CD2AP: variants seen among roughly 807,000 people sequenced by gnomAD.
CD2AP encodes CD2 associated protein, also known as CD2-associated protein.
CD2AP carries 46 observed loss-of-function variants against 85.1 expected under a neutral mutation model. The ratio of observed to expected loss-of-function variants is 0.54; its 90% CI spans 0.43 to 0.69. The LOEUF (loss-of-function observed/expected upper bound fraction) is 0.69. Among genes scored for constraint, CD2AP ranks in the 30% least tolerant of loss-of-function variants. The pLI, the probability that CD2AP is intolerant of heterozygous loss-of-function variation, is 0.00. For missense variants in CD2AP, 769 were observed against 729.5 expected (o/e 1.05, Z -0.62); for synonymous variants, 255 against 252.9 (o/e 1.01, Z -0.08).
chr6:47,609,080 A>G, intron 15 of CD2AP, 43 bp from the exon 16 acceptor site: 1 of 1,404,290 alleles, frequency 7.1e-7, no homozygotes. Context: ...GAACGTAAAT[A>G]TAATATTAAA....
chr6:47,560,593 TAGATTC>T (rs751282341), intron 5 of CD2AP, among the ~76,000 whole-genome samples: 4 of 152,152 alleles, frequency 2.6e-5, no homozygotes, highest in Admixed American at 6.5e-5. Context: ...TCCTCATGAT[TAGATTC>T]AGATTATATT....
At position 47,589,379 on chromosome 6, in the gene CD2AP, T is replaced by TACACACACACACACACACACAC. The variant is rs1554182232; in HGVS notation, c.1109-6467_1109-6466insCACACACACACACACACACACA. 3.2e-3 allele frequency among the ~76,000 whole-genome samples: 441 copies of TACACACACACACACACACACAC among 139,434 alleles called. 3 individuals are homozygous for TACACACACACACACACACACAC. The highest frequency in any genetic ancestry group is 8.6e-3 in the African/African-American group (326 of 37,884). 91.5% of individuals were successfully genotyped at this position (139,434 alleles called of 152,430 possible). A position where few individuals can be genotyped will look rare whatever the true frequency, so the allele number is the denominator to read the frequency against. ...TTTGATGACCAGGAACTCTTGAATA[T>TACACACACACACACACACACAC]ACACACACACACACAAATGTATATA... On this transcript the variant is annotated intron_variant, in intron 11 of 17. Transcript: ENST00000359314.
At chr6:47,553,351 GTT>G (rs1164649256) in intron 4 of CD2AP, among the ~76,000 whole-genome samples, 3 of 140,572 alleles carry the variant, frequency 2.1e-5, no homozygotes. Flanking sequence ...TTTAAATTTT[GTT>G]TTTTTTTTTT....
intron 5 of CD2AP, among the ~76,000 whole-genome samples, chr6:47,556,243 G>A (rs2114065337): frequency 7.1e-6 from 1 of 141,442 alleles, no homozygotes; most frequent in South Asian, 2.4e-4. Context: ...ATAGGCCCCG[G>A]TGTGTGATGT....
intron 2 of CD2AP, among the ~76,000 whole-genome samples, chr6:47,507,205 C>G (rs1188698624): frequency 6.6e-6 from 1 of 152,192 alleles, no homozygotes; most frequent in African/African-American, 2.4e-5. Flanking sequence ...TGCTTCACTT[C>G]TAATTCTAGT....
chr6:47,584,760 C>T (rs1768576277), intron 11 of CD2AP, among the ~76,000 whole-genome samples: 1 of 151,936 alleles, frequency 6.6e-6, no homozygotes, highest in Non-Finnish European at 1.5e-5. Context: ...CAGATTAATT[C>T]TTTGTGAACT....
chr6:47,591,200 C>G (rs888947966), intron 11 of CD2AP, among the ~76,000 whole-genome samples: 1 of 152,052 alleles, frequency 6.6e-6, no homozygotes, highest in African/African-American at 2.4e-5. Flanking sequence ...TAAAAATATT[C>G]ATAAATAATC....
intron 3 of CD2AP, among the ~76,000 whole-genome samples, chr6:47,536,474 G>A (rs1355878959): frequency 6.6e-6 from 1 of 152,050 alleles, no homozygotes; most frequent in African/African-American, 2.4e-5. Context: ...GTTGAATTTT[G>A]TCTAAGCAAC....
intron 14 of CD2AP, among the ~76,000 whole-genome samples, chr6:47,607,360 T>C (rs1769304837): frequency 6.6e-6 from 1 of 152,100 alleles, no homozygotes; most frequent in Non-Finnish European, 1.5e-5. Context: ...CTATATTTAG[T>C]TTTTTGAGGA....
intron 3 of CD2AP, among the ~76,000 whole-genome samples, chr6:47,539,272 CAT>C (rs774442728): frequency 1.2e-4 from 19 of 152,242 alleles, no homozygotes; most frequent in East Asian, 3.9e-4. Context: ...GTATGAGAGA[CAT>C]ATGTGTAGTG....
chr6:47,551,019 TGGGGCCTCG>T (rs1472478299), intron 4 of CD2AP, among the ~76,000 whole-genome samples: 1 of 152,062 alleles, frequency 6.6e-6, no homozygotes, highest in East Asian at 1.9e-4. Flanking sequence ...CAATGGACTT[TGGGGCCTCG>T]GGGGAAGAGG....
intron 2 of CD2AP, among the ~76,000 whole-genome samples, chr6:47,522,798 T>C (rs1362190662): frequency 6.6e-6 from 1 of 151,866 alleles, no homozygotes; most frequent in African/African-American, 2.4e-5. Context: ...TTTCAGTTTA[T>C]TTGCAGATTT....
chr6:47,508,634 C>T (rs1280710092), intron 2 of CD2AP, among the ~76,000 whole-genome samples: 1 of 150,774 alleles, frequency 6.6e-6, no homozygotes, highest in East Asian at 2.0e-4. Flanking sequence ...CAACCTCTGC[C>T]TCCCAGGTTC....
At chr6:47,602,227 T>G (rs1030848368) in intron 13 of CD2AP, among the ~76,000 whole-genome samples, 1 of 151,974 alleles carries the variant, frequency 6.6e-6, no homozygotes, top group Non-Finnish European at 1.5e-5. Flanking sequence ...TCAGATTTTC[T>G]TTTTTTAATG....
intron 2 of CD2AP, among the ~76,000 whole-genome samples, chr6:47,525,029 T>C (rs1766686645): frequency 1.3e-5 from 2 of 152,076 alleles, no homozygotes; most frequent in Non-Finnish European, 2.9e-5. Flanking sequence ...TCAAATGACT[T>C]TAAGTAGTTT....
chr6:47,612,499 A>G lies in CD2AP; in HGVS notation c.1841A>G (p.Asp614Gly), dbSNP rs1769472206. Residue 614 changes from aspartate to glycine, a missense_variant, in exon 17 of 18, where the codon GAT becomes GGT. Transcript: ENST00000359314. ...AAAGAACTGGAAAAACTGCGAAAAG[A>G]TTTGGAAGAAGAGAAGACAATGAGA... ...HGKELEKLRK[D>G]LEEEKTMRSN... is the part of the protein sequence containing the mutation. The G allele has an allele frequency of 6.2e-7, 1 of 1,607,634 alleles. No homozygotes were observed. The highest frequency in any genetic ancestry group is 8.5e-7 in the Non-Finnish European group (1 of 1,174,494).
At chr6:47,517,292 T>G (rs1307414883) in intron 2 of CD2AP, among the ~76,000 whole-genome samples, 1 of 151,982 alleles carries the variant, frequency 6.6e-6, no homozygotes, top group Non-Finnish European at 1.5e-5. Flanking sequence ...TTCTTTTTTT[T>G]TTTTTTTGGA....
intron 11 of CD2AP, among the ~76,000 whole-genome samples, chr6:47,595,054 C>T (rs1768901834): frequency 6.6e-6 from 1 of 151,900 alleles, no homozygotes; most frequent in Non-Finnish European, 1.5e-5. Flanking sequence ...TTTTAGCTGA[C>T]TGCTGTATTA....
At chr6:47,599,231 A>T in intron 12 of CD2AP, 70 bp from the exon 13 acceptor site, 6 of 1,329,234 alleles carry the variant, frequency 4.5e-6, no homozygotes, top group African/African-American at 1.5e-5. Context: ...CTTTAATGTC[A>T]TTAAATCACA....
Sources: allele counts gnomAD v4.1 joint callset (sites outside exome capture counted in the v4.1 genomes callset), GRCh38; gene constraint gnomAD v4.1.1; transcripts MANE v1.5; gene names NCBI Gene and HGNC (gene_info 2026-07-23, HGNC 2026-07-21).